PTPRK: variants seen among roughly 807,000 people sequenced by gnomAD.
PTPRK encodes the protein protein tyrosine phosphatase receptor type K.
PTPRK carries 75 observed loss-of-function variants against 178.0 expected under a neutral mutation model. That is an observed-to-expected ratio of 0.42 (90% confidence interval 0.35 to 0.51). The LOEUF is 0.51. PTPRK is among the 20% of genes least tolerant of loss of function. The pLI, the probability that PTPRK is intolerant of heterozygous loss-of-function variation, is 0.02. For missense variants in PTPRK, 1,441 were observed against 1,797.8 expected (o/e 0.80, Z 3.59); for synonymous variants, 637 against 620.6 (o/e 1.03, Z -0.39).
chr6:128,327,215 C>T (rs974605996), intron 2 of PTPRK, among the ~76,000 whole-genome samples: 1 of 151,950 alleles, frequency 6.6e-6, no homozygotes, highest in Admixed American at 6.6e-5. Context: ...AAGGTATTTA[C>T]ATGGGAAATT....
intron 1 of PTPRK, among the ~76,000 whole-genome samples, chr6:128,437,950 C>A (rs1845808654): frequency 6.6e-6 from 1 of 152,212 alleles, no homozygotes; most frequent in Admixed American, 6.5e-5. Context: ...CAGCTTATAC[C>A]CAAATCCGTG....
At chr6:128,382,151 CAAAAA>C (rs56321095) in intron 2 of PTPRK, among the ~76,000 whole-genome samples, 3 of 75,662 alleles carry the variant, frequency 4.0e-5, no homozygotes, top group Non-Finnish European at 5.5e-5. Flanking sequence ...TACCCTATCT[CAAAAA>C]AAAAAAAAAA....
chr6:128,032,732 T>A (rs2114803370), intron 13 of PTPRK, among the ~76,000 whole-genome samples: 1 of 152,168 alleles, frequency 6.6e-6, no homozygotes, highest in South Asian at 2.1e-4. Context: ...TTTTAAAAAA[T>A]ATTTTAGATC....
chr6:128,418,548 T>C (rs549698339), intron 1 of PTPRK, among the ~76,000 whole-genome samples: 1 of 152,332 alleles, frequency 6.6e-6, no homozygotes, highest in Non-Finnish European at 1.5e-5. Context: ...TAATGCCTGA[T>C]GACCTGAGGT....
chr6:128,067,770 C>T lies in PTPRK; in HGVS notation c.1906G>A (p.Glu636Lys). 1 of 1,604,904 alleles carries T rather than the reference C, an allele frequency of 6.2e-7. No individual in the cohort carries two copies. Among genetic ancestry groups the T allele is most frequent in the Non-Finnish European group, 8.5e-7 (1 of 1,174,818 alleles). ...CTCTTGGTTCGGTGTGGGTGCAGTT[C>T]TTCCACAACAATCTGATAAGCACTT... ...PISAYQIVVE[E>K]LHPHRTKREA... The change falls in exon 12 of 30, where the codon GAA becomes AAA. Residue 636 changes from glutamate to lysine, a missense_variant. Physicochemically the swap from Glu to Lys is moderately conservative, Grantham distance 56. Coordinates refer to ENST00000368226, the MANE Select transcript of PTPRK (RefSeq NM_002844.4).
At chr6:128,384,248 C>A (rs370560747) in intron 2 of PTPRK, among the ~76,000 whole-genome samples, 2 of 152,174 alleles carry the variant, frequency 1.3e-5, no homozygotes, top group Admixed American at 6.5e-5. Context: ...CGATAGTCCA[C>A]AAAATGTTGG....
intron 3 of PTPRK, among the ~76,000 whole-genome samples, chr6:128,303,806 C>T (rs1349154966): frequency 1.3e-5 from 2 of 152,100 alleles, no homozygotes; most frequent in Non-Finnish European, 2.9e-5. Flanking sequence ...TCTATTTTTA[C>T]ATAGAATTTA....
At chr6:128,485,941 T>C (rs751436425) in intron 1 of PTPRK, among the ~76,000 whole-genome samples, 2 of 152,198 alleles carry the variant, frequency 1.3e-5, no homozygotes, top group Non-Finnish European at 2.9e-5. Flanking sequence ...TATAACAAAG[T>C]CAGAAGACAA....
At chr6:128,105,377 C>T (rs1158807482) in intron 7 of PTPRK, among the ~76,000 whole-genome samples, 2 of 152,170 alleles carry the variant, frequency 1.3e-5, no homozygotes, top group African/African-American at 4.8e-5. Context: ...TTGTGATCCG[C>T]CCACCTCAGC....
intron 1 of PTPRK, among the ~76,000 whole-genome samples, chr6:128,497,790 T>A (rs183330886): frequency 2.0e-5 from 3 of 152,050 alleles, no homozygotes; most frequent in Admixed American, 2.0e-4. Context: ...TTTTTTTTTT[T>A]CCTTTCTATT....
intron 11 of PTPRK, among the ~76,000 whole-genome samples, chr6:128,076,171 G>C (rs574268097): frequency 1.3e-5 from 2 of 152,074 alleles, no homozygotes; most frequent in Admixed American, 1.3e-4. Flanking sequence ...TCCAATCAAA[G>C]ATTTGAGATA....
intron 1 of PTPRK, among the ~76,000 whole-genome samples, chr6:128,468,257 T>A (rs556704976): frequency 6.6e-6 from 1 of 152,266 alleles, no homozygotes; most frequent in East Asian, 1.9e-4. Context: ...GGCTCACAAT[T>A]TGTAGGAATA....
At chr6:128,246,383 A>G (rs1183741060) in intron 3 of PTPRK, among the ~76,000 whole-genome samples, 1 of 152,158 alleles carries the variant, frequency 6.6e-6, no homozygotes, top group Non-Finnish European at 1.5e-5. Flanking sequence ...AGCTTTACTC[A>G]GGACAATAAA....
chr6:128,132,007 T>G (rs1406002401), intron 7 of PTPRK, among the ~76,000 whole-genome samples: 2 of 152,162 alleles, frequency 1.3e-5, no homozygotes, highest in Non-Finnish European at 2.9e-5. Context: ...CAAATCAATT[T>G]TTTGAGACAA....
chr6:128,494,157 G>C (rs996676154), intron 1 of PTPRK, among the ~76,000 whole-genome samples: 3 of 142,044 alleles, frequency 2.1e-5, no homozygotes, highest in African/African-American at 8.0e-5. Context: ...ACTGTGAACA[G>C]CCACCGCACT....
intron 6 of PTPRK, among the ~76,000 whole-genome samples, chr6:128,204,141 C>A (rs189414221): frequency 1.3e-5 from 2 of 152,266 alleles, no homozygotes; most frequent in Admixed American, 1.3e-4. Flanking sequence ...ACCATCTGAT[C>A]TTTGACAAAC....
chr6:128,378,018 T>C (rs780385513), intron 2 of PTPRK, among the ~76,000 whole-genome samples: 3 of 152,166 alleles, frequency 2.0e-5, no homozygotes, highest in Non-Finnish European at 2.9e-5. Context: ...TAATCTGTGA[T>C]CATGGTTTGC....
At chr6:127,970,389 C>A (rs1327128460) in intron 29 of PTPRK, 109 bp from the exon 30 acceptor site, 3 of 756,106 alleles carry the variant, frequency 4.0e-6, no homozygotes, top group African/African-American at 1.8e-5. Context: ...TCAAGGATTA[C>A]AATTTATTTT....
At chr6:128,457,875 T>C (rs1266940832) in intron 1 of PTPRK, among the ~76,000 whole-genome samples, 1 of 152,292 alleles carries the variant, frequency 6.6e-6, no homozygotes, top group East Asian at 1.9e-4. Context: ...TTCTACCACC[T>C]ACAGTGTGCC....
Sources: gnomAD v4.1 joint callset for allele counts (sites outside exome capture counted in the v4.1 genomes callset) on GRCh38, gnomAD v4.1.1 for gene constraint, MANE v1.5 for transcripts, NCBI Gene and HGNC (gene_info 2026-07-23, HGNC 2026-07-21) for gene names.